ARID5B: variants seen among roughly 807,000 people sequenced by gnomAD.
The protein encoded by ARID5B is AT-rich interactive domain-containing protein 5B.
ARID5B carries 13 observed loss-of-function variants against 97.2 expected under a neutral mutation model. That is an observed-to-expected ratio of 0.13 (90% CI 0.09 to 0.21). The LOEUF (loss-of-function observed/expected upper bound fraction) is 0.21, where lower values mean the gene tolerates loss of function less well. Ranked by LOEUF, ARID5B falls within the 10% of genes least tolerant of loss-of-function variation. The pLI, the probability that ARID5B is intolerant of heterozygous loss-of-function variation, is 1.00. For missense variants in ARID5B, 1,210 were observed against 1,465.3 expected, an observed-to-expected ratio of 0.83 and a Z score of 2.84; for synonymous variants, 556 against 570.3, an observed-to-expected ratio of 0.97 and a Z score of 0.36.
At chr10:61,920,117 A>T (rs568854446) in intron 2 of ARID5B, among the ~76,000 whole-genome samples, 210 of 151,488 alleles carry the variant, frequency 1.4e-3, no homozygotes, top group African/African-American at 4.7e-3. Flanking sequence ...AGTTGTCTTA[A>T]TTTTTTTTTC....
intron 4 of ARID5B, among the ~76,000 whole-genome samples, chr10:62,048,643 T>C (rs1005594504): frequency 2.6e-5 from 4 of 152,212 alleles, no homozygotes; most frequent in African/African-American, 9.7e-5. Flanking sequence ...CTTCTCTGGG[T>C]TCTGAAAACA....
intron 8 of ARID5B, among the ~76,000 whole-genome samples, chr10:62,083,129 T>A (rs1342580243): frequency 6.6e-6 from 1 of 151,994 alleles, no homozygotes; most frequent in African/African-American, 2.4e-5. Flanking sequence ...AGGGCTTGTG[T>A]TTGGATTCAG....
At chr10:62,086,255 G>A (rs979620951) in intron 9 of ARID5B, among the ~76,000 whole-genome samples, 8 of 152,176 alleles carry the variant, frequency 5.3e-5, no homozygotes, top group East Asian at 1.9e-4. Flanking sequence ...CTTCTTGGCC[G>A]CTCCACAGCC....
At chr10:62,021,495 AAACCT>A (rs2132892013) in intron 4 of ARID5B, among the ~76,000 whole-genome samples, 1 of 152,330 alleles carries the variant, frequency 6.6e-6, no homozygotes, top group African/African-American at 2.4e-5. Flanking sequence ...GCATAATTGA[AAACCT>A]AAATTCATCT....
rs139586734 is a variant in ARID5B, at chr10:62,024,372, C to T, written c.733+24051C>T. Among the ~76,000 whole-genome samples the T allele has an allele frequency of 7.2e-3, 1,102 of 152,324 alleles. 10 individuals are homozygous for T. The highest frequency in any genetic ancestry group is 0.025 in the African/African-American group (1,044 of 41,558). On this transcript the variant is annotated intron_variant, in intron 4 of 9. Transcript: ENST00000279873. ...TCTTTGTAGCAGCCAGTGATTACTGCACATGCTCAATTCTTGAGTTTAATG... is the reference window on the plus strand; with the variant it reads ...TCTTTGTAGCAGCCAGTGATTACTGTACATGCTCAATTCTTGAGTTTAATG...
At chr10:62,045,739 G>T (rs1839699424) in intron 4 of ARID5B, among the ~76,000 whole-genome samples, 1 of 152,124 alleles carries the variant, frequency 6.6e-6, no homozygotes, top group Admixed American at 6.5e-5. Flanking sequence ...TAAGATTATT[G>T]TCTGAAAAGA....
chr10:62,019,779 TTA>T (rs1491236792), intron 4 of ARID5B, among the ~76,000 whole-genome samples: 1 of 152,228 alleles, frequency 6.6e-6, no homozygotes. Context: ...TCATACACTT[TTA>T]GTCTCTTTCC....
intron 5 of ARID5B, chr10:62,051,255 T>G: frequency 1.7e-6 from 1 of 572,896 alleles, no homozygotes; most frequent in Non-Finnish European, 3.1e-6. Context: ...CTGTTATGAG[T>G]AAAGGACAGA....
At chr10:62,030,112 TTTTTC>T (rs1839476715) in intron 4 of ARID5B, among the ~76,000 whole-genome samples, 1 of 151,518 alleles carries the variant, frequency 6.6e-6, no homozygotes, top group Admixed American at 6.6e-5. Flanking sequence ...AAATGCAGGG[TTTTTC>T]TTTTCTTTTT....
chr10:62,029,824 T>C (rs1252117163), intron 4 of ARID5B, among the ~76,000 whole-genome samples: 2 of 152,222 alleles, frequency 1.3e-5, no homozygotes, highest in African/African-American at 2.4e-5. Flanking sequence ...GACATTGAAA[T>C]ATCAAAAACA....
intron 3 of ARID5B, among the ~76,000 whole-genome samples, chr10:61,960,293 T>C (rs529110731): frequency 1.2e-4 from 19 of 152,304 alleles, no homozygotes; most frequent in Admixed American, 3.9e-4. Flanking sequence ...TTTAGAAAGC[T>C]CCAAGGAAGC....
At position 62,094,936 on chromosome 10, in the gene ARID5B, A is replaced by C. The variant is rs1468675122; in HGVS notation, c.*1906A>C. The C allele has an allele frequency of 4.3e-6, 1 of 231,400 alleles. No individual in the cohort carries two copies. The highest frequency in any genetic ancestry group is 8.6e-6 in the Non-Finnish European group (1 of 116,718). 14.3% of individuals were successfully genotyped at this position (231,400 alleles called of 1,614,324 possible). A position where few individuals can be genotyped will look rare whatever the true frequency, so the allele number is the denominator to read the frequency against. On this transcript the variant is annotated 3_prime_UTR_variant, in exon 10 of 10. Transcript: ENST00000279873. ...TGATAACAATGAAACTGCGGCTCTTAAACAAAGCCATGCATGCCGTGCATT... is the reference window on the plus strand; with the variant it reads ...TGATAACAATGAAACTGCGGCTCTTCAACAAAGCCATGCATGCCGTGCATT...
chr10:62,020,070 A>G (rs1839336413), intron 4 of ARID5B, among the ~76,000 whole-genome samples: 1 of 152,118 alleles, frequency 6.6e-6, no homozygotes, highest in African/African-American at 2.4e-5. Context: ...TCTGGCGAGG[A>G]GTCTTGAGTA....
chr10:62,002,562 T>A (rs1271024424), intron 4 of ARID5B, among the ~76,000 whole-genome samples: 1 of 152,170 alleles, frequency 6.6e-6, no homozygotes, highest in Non-Finnish European at 1.5e-5. Context: ...TTCACTAACA[T>A]CCCTCCCCAC....
intron 3 of ARID5B, among the ~76,000 whole-genome samples, chr10:61,998,668 G>A (rs1384721971): frequency 6.6e-6 from 1 of 152,152 alleles, no homozygotes; most frequent in Non-Finnish European, 1.5e-5. Context: ...CCTGAGTTAA[G>A]GTGGTTTTGA....
intron 3 of ARID5B, among the ~76,000 whole-genome samples, chr10:61,950,623 T>C (rs999804225): frequency 6.6e-6 from 1 of 152,176 alleles, no homozygotes; most frequent in Non-Finnish European, 1.5e-5. Context: ...TGAGCTAAGA[T>C]GATACCACTA....
At chr10:62,056,360 AGC>A (rs1409532607) in intron 5 of ARID5B, among the ~76,000 whole-genome samples, 2 of 152,298 alleles carry the variant, frequency 1.3e-5, no homozygotes, top group Non-Finnish European at 1.5e-5. Context: ...TAAAGCAAGA[AGC>A]CCTCATTAAA....
chr10:62,053,206 T>C (rs1483211089), intron 5 of ARID5B, among the ~76,000 whole-genome samples: 1 of 152,178 alleles, frequency 6.6e-6, no homozygotes, highest in African/African-American at 2.4e-5. Context: ...GACAGTGAGC[T>C]GTTTGACTTT....
chr10:61,989,385 G>C (rs144722998), intron 3 of ARID5B, among the ~76,000 whole-genome samples: 208 of 152,134 alleles, frequency 1.4e-3, no homozygotes, highest in South Asian at 2.5e-3. Flanking sequence ...GAATAATGCT[G>C]CTCTAAAAGA....
Sources: allele counts gnomAD v4.1 joint callset (sites outside exome capture counted in the v4.1 genomes callset), GRCh38; gene constraint gnomAD v4.1.1; transcripts MANE v1.5; gene names NCBI Gene and HGNC (gene_info 2026-07-23, HGNC 2026-07-21).